IFRD1: variants seen among roughly 807,000 people sequenced by gnomAD.
IFRD1 encodes interferon-related developmental regulator 1.
IFRD1 carries 35 observed loss-of-function variants against 52.9 expected under a neutral mutation model. The ratio of observed to expected loss-of-function variants is 0.66; its 90% CI spans 0.51 to 0.88. The LOEUF (loss-of-function observed/expected upper bound fraction) is 0.88. IFRD1 is among the 40% of genes least tolerant of loss of function. The pLI is 0.00. For synonymous variants in IFRD1, 184 were observed against 188.4 expected (o/e 0.98, Z 0.19); for missense variants, 517 against 550.8 (o/e 0.94, Z 0.61).
rs1410224539 is a variant in IFRD1 at position 112,450,549 on chromosome 7, C to T, written c.-140C>T. ...CTGCTGCCGCCACCGCCCACTCTTA[C>T]CCCCGCCGCTTCTCGACTCTGTTGT... On this transcript the variant is annotated 5_prime_UTR_variant, in exon 1 of 12. Coordinates refer to ENST00000403825, the MANE Select transcript of IFRD1 (RefSeq NM_001550.4). 4 of 698,972 alleles carry T rather than the reference C, an allele frequency of 5.7e-6. No homozygotes were observed. Among genetic ancestry groups the T allele is most frequent in the Non-Finnish European group, 1.1e-5 (4 of 378,738 alleles). 43.3% of individuals were successfully genotyped at this position (698,972 alleles called of 1,614,324 possible). A position where few individuals can be genotyped will look rare whatever the true frequency, so the allele number is the denominator to read the frequency against.
In IFRD1 at chr7:112,445,288, G is replaced by T. The variant is rs182369713; in HGVS notation, c.-181-5220G>T. ...TCACCGTGTTAGCCAGGATGGTCTC[G>T]ATCTCCTGACCTTGTGATCCGCCCA... On this transcript the variant is annotated intron_variant, in intron 1 of 12. Transcript: ENST00000005558. Among the ~76,000 whole-genome samples, 16 of 151,960 alleles carry T rather than the reference G, an allele frequency of 1.1e-4. No homozygotes were observed. The South Asian group carries it at 1.5e-3, about 14-fold the overall frequency.
chr7:112,462,393 G>A lies in IFRD1; in HGVS notation c.906+15G>A. 6.5e-7 allele frequency: 1 copy of A among 1,540,220 alleles called. No homozygotes were observed. Among genetic ancestry groups the A allele is most frequent in the Non-Finnish European group, 9.0e-7 (1 of 1,113,172 alleles). ...GAATAGAGAGTGTAAGTATCTAACT[G>A]GCAGAGGAAAAAGCTTGTGTCACAA... On this transcript the variant is annotated intron_variant, in intron 8 of 11. Transcript: ENST00000403825.
chr7:112,455,892 C>T, intron 2 of IFRD1, 25 bp downstream of exon 2: 1 of 1,530,986 alleles, frequency 6.5e-7, no homozygotes, highest in Non-Finnish European at 9.1e-7. Flanking sequence ...TTTAAATTTG[C>T]AACTTTAGAT....
intron 1 of IFRD1, among the ~76,000 whole-genome samples, chr7:112,430,579 G>A (rs747455510): frequency 3.3e-5 from 5 of 152,108 alleles, no homozygotes; most frequent in Non-Finnish European, 7.4e-5. Context: ...CCTGATTTTT[G>A]TTGCCCTGGG....
chr7:112,452,609 C>A, intron 1 of IFRD1: 1 of 206,018 alleles, frequency 4.9e-6, no homozygotes, highest in Non-Finnish European at 8.5e-6. Context: ...GCCTAGATCA[C>A]GCACAAACCT....
intron 1 of IFRD1, chr7:112,423,569 G>C (rs1794366602): frequency 6.6e-6 from 1 of 152,208 alleles, no homozygotes; most frequent in Admixed American, 6.5e-5. Flanking sequence ...TATCTTGGCA[G>C]AGATTAGAAA....
chr7:112,460,241 G>GTTTTTT (rs35314166), intron 5 of IFRD1, among the ~76,000 whole-genome samples: 42 of 92,962 alleles, frequency 4.5e-4, no homozygotes, highest in East Asian at 2.0e-3. Context: ...CAGTCCTAGG[G>GTTTTTT]TTTTTTTTTT....
At chr7:112,455,183 A>G (rs879012842) in intron 1 of IFRD1, among the ~76,000 whole-genome samples, 2 of 151,950 alleles carry the variant, frequency 1.3e-5, no homozygotes, top group Non-Finnish European at 2.9e-5. Flanking sequence ...TTTTTGTGTC[A>G]TAAAAAAATG....
chr7:112,471,171 G>A (rs1188046127), intron 9 of IFRD1, among the ~76,000 whole-genome samples: 1 of 152,198 alleles, frequency 6.6e-6, no homozygotes, highest in South Asian at 2.1e-4. Flanking sequence ...CTGCTGTTAC[G>A]CACCAGACGG....
Position 112,450,838 on chromosome 7 carries a change from C to T in IFRD1, c.94+56C>T. The T allele has an allele frequency of 2.4e-6, 3 of 1,225,776 alleles. No homozygotes were observed. In the Admixed American group the frequency reaches 5.1e-5, roughly 21 times the overall value. The allele number at this position is 1,225,776 out of a possible 1,614,324, so 75.9% of individuals were successfully genotyped here. On this transcript the variant is annotated intron_variant, in intron 1 of 11. Transcript: ENST00000403825. ...GTTGCCGGCCAGGCTGGCGAGTCTT[C>T]CATGCTTCGGCACGGTGGGAGTTGT...
intron 4 of IFRD1, 177 bp downstream of exon 4, chr7:112,457,215 G>A: frequency 2.9e-6 from 2 of 681,994 alleles, no homozygotes; most frequent in Non-Finnish European, 5.0e-6. Flanking sequence ...CTTTGTTTTT[G>A]TATTACGTAA....
upstream of IFRD1, among the ~76,000 whole-genome samples, chr7:112,449,026 G>A (rs1167125814): frequency 6.6e-6 from 1 of 152,208 alleles, no homozygotes; most frequent in Non-Finnish European, 1.5e-5. Context: ...AGGCTAAAAG[G>A]GTTGGCATTT....
At chr7:112,425,615 A>G (rs1794410522) in intron 1 of IFRD1, among the ~76,000 whole-genome samples, 1 of 152,092 alleles carries the variant, frequency 6.6e-6, no homozygotes, top group African/African-American at 2.4e-5. Flanking sequence ...AGGATTCTGG[A>G]TTTGGACTGA....
At chr7:112,449,494 G>A (rs763149361), upstream of IFRD1, among the ~76,000 whole-genome samples, 2 of 152,126 alleles carry the variant, frequency 1.3e-5, no homozygotes, top group Non-Finnish European at 2.9e-5. Flanking sequence ...AGTGGCGGAT[G>A]ACTCACCTAC....
rs1795906625 is a variant in IFRD1 at position 112,476,481 on chromosome 7, GA to G, written c.*963del. The G allele has an allele frequency of 6.6e-6, 1 of 152,188 alleles. No individual in the cohort carries two copies. Among genetic ancestry groups the G allele is most frequent in the Non-Finnish European group, 1.5e-5 (1 of 68,096 alleles). The allele number at this position is 152,188 out of a possible 1,614,324, so 9.4% of individuals were successfully genotyped here. On this transcript the variant is annotated 3_prime_UTR_variant, in exon 12 of 12. Transcript: ENST00000403825. ...GAGACCAGCCTGGGCAACATAGCGA[GA>G]CCCTGTCTCTACCAGAAATTTAAAA...
chr7:112,443,388 A>G (rs534671053), intron 1 of IFRD1, among the ~76,000 whole-genome samples: 1 of 151,258 alleles, frequency 6.6e-6, no homozygotes, highest in African/African-American at 2.4e-5. Flanking sequence ...AGCCTAGGCA[A>G]CACAGCAAGA....
chr7:112,462,171 G>A lies in IFRD1; in HGVS notation c.789G>A (p.Lys263=), dbSNP rs1394732825. The change falls in exon 7 of 12, where the codon AAG becomes AAA. Residue 263 remains lysine, a synonymous_variant. Coordinates refer to ENST00000403825, the MANE Select transcript of IFRD1 (RefSeq NM_001550.4). ...GCCCAATCAATGAAGTGAAGAAAAA[G>A]CTTGAGATGTATGTATTTTTAGTTT... ...TICPINEVKK[K]LEMHFHKLPS... 6 of 1,613,562 alleles carry A rather than the reference G, an allele frequency of 3.7e-6. No homozygotes were observed. The South Asian group carries it at 4.4e-5, about 12-fold the overall frequency.
intron 1 of IFRD1, among the ~76,000 whole-genome samples, chr7:112,436,621 G>C (rs1264944181): frequency 3.3e-5 from 5 of 152,068 alleles, no homozygotes; most frequent in Admixed American, 6.6e-5. Context: ...AGCTAATCAG[G>C]TCTTCATAAA....
intron 1 of IFRD1, among the ~76,000 whole-genome samples, chr7:112,427,706 A>C (rs1259562096): frequency 1.3e-5 from 2 of 152,144 alleles, no homozygotes; most frequent in Admixed American, 1.3e-4. Flanking sequence ...CCCCAGAACT[A>C]TCTCTTATCT....
Sources: gnomAD v4.1 joint callset for allele counts (sites outside exome capture counted in the v4.1 genomes callset) on GRCh38, gnomAD v4.1.1 for gene constraint, MANE v1.5 for transcripts, NCBI Gene and HGNC (gene_info 2026-07-23, HGNC 2026-07-21) for gene names.